The following POU6F2 variants were observed in gnomAD, a reference collection of about 807,000 sequenced individuals.
The protein encoded by POU6F2 is POU class 6 homeobox 2.
A neutral mutation model predicts 71.3 loss-of-function variants in POU6F2; 31 were observed. The observed-to-expected ratio is 0.43, with a 90% CI of 0.33 to 0.59. The LOEUF is 0.59. Ranked by LOEUF, POU6F2 falls within the 20% of genes least tolerant of loss-of-function variation. The pLI, the probability that POU6F2 is intolerant of heterozygous loss-of-function variation, is 0.04. For missense variants in POU6F2, 783 were observed against 856.8 expected (o/e 0.91, Z 1.07); for synonymous variants, 347 against 355.7 (o/e 0.98, Z 0.27).
At chr7:39,105,440 T>TA (rs1791658812) in intron 2 of POU6F2, among the ~76,000 whole-genome samples, 1 of 152,030 alleles carries the variant, frequency 6.6e-6, no homozygotes, top group Non-Finnish European at 1.5e-5. Context: ...TCAGGTTTTT[T>TA]TTTTTTCCTG....
At chr7:39,311,890 T>TAA (rs1395627709) in intron 4 of POU6F2, among the ~76,000 whole-genome samples, 1 of 152,084 alleles carries the variant, frequency 6.6e-6, no homozygotes, top group Non-Finnish European at 1.5e-5. Flanking sequence ...CTCAAAGAGG[T>TAA]AATGGCAACA....
chr7:39,132,644 A>G (rs1792311421), intron 2 of POU6F2: 1 of 152,246 alleles, frequency 6.6e-6, no homozygotes, highest in South Asian at 2.1e-4. Context: ...TCACATATTG[A>G]TAGAATTAAA....
chr7:39,014,355 T>G (rs905661951), intron 1 of POU6F2, among the ~76,000 whole-genome samples: 1 of 152,122 alleles, frequency 6.6e-6, no homozygotes, highest in Non-Finnish European at 1.5e-5. Context: ...GAAAAGCATG[T>G]TTTCAGGAGA....
chr7:39,309,622 A>G (rs1396014741), intron 4 of POU6F2, among the ~76,000 whole-genome samples: 1 of 152,252 alleles, frequency 6.6e-6, no homozygotes, highest in Non-Finnish European at 1.5e-5. Context: ...CTGAAGGGCT[A>G]GTATAATGTC....
chr7:39,173,324 A>C (rs533848254), intron 2 of POU6F2, among the ~76,000 whole-genome samples: 12 of 152,312 alleles, frequency 7.9e-5, no homozygotes, highest in African/African-American at 2.4e-4. Context: ...CTGGAGTTTC[A>C]ACTAGCTCTG....
chr7:39,442,922 CA>C (rs1251846905), intron 7 of POU6F2, among the ~76,000 whole-genome samples: 1 of 152,196 alleles, frequency 6.6e-6, no homozygotes, highest in Non-Finnish European at 1.5e-5. Context: ...CACAAAATTG[CA>C]GCTCTAGTTT....
intron 1 of POU6F2, among the ~76,000 whole-genome samples, chr7:39,054,560 T>C (rs1307669281): frequency 1.3e-5 from 2 of 152,094 alleles, no homozygotes; most frequent in Non-Finnish European, 2.9e-5. Context: ...TGTGAATGAA[T>C]ACAGGTAATG....
intron 2 of POU6F2, among the ~76,000 whole-genome samples, chr7:39,102,675 C>CAT: frequency 6.6e-6 from 1 of 152,198 alleles, no homozygotes; most frequent in Admixed American, 6.5e-5. Context: ...TATACACACA[C>CAT]ACATACATAC....
intron 2 of POU6F2, among the ~76,000 whole-genome samples, chr7:39,134,849 C>T (rs1393580888): frequency 6.6e-6 from 1 of 152,098 alleles, no homozygotes; most frequent in Non-Finnish European, 1.5e-5. Flanking sequence ...AAAAGCTTCG[C>T]AAGTGCATTA....
chr7:39,168,333 T>C (rs1434719425), intron 2 of POU6F2, among the ~76,000 whole-genome samples: 1 of 152,206 alleles, frequency 6.6e-6, no homozygotes, highest in African/African-American at 2.4e-5. Flanking sequence ...CAGGGAGTAT[T>C]ATCTGTTTTA....
intron 1 of POU6F2, among the ~76,000 whole-genome samples, chr7:39,005,556 G>A (rs542180881): frequency 1.9e-4 from 28 of 147,488 alleles, no homozygotes; most frequent in Admixed American, 6.9e-4. Context: ...GTGCAGGCAT[G>A]TGTGCACGTG....
At chr7:39,452,599 G>A (rs2116123340) in intron 8 of POU6F2, among the ~76,000 whole-genome samples, 1 of 152,346 alleles carries the variant, frequency 6.6e-6, no homozygotes, top group South Asian at 2.1e-4. Flanking sequence ...AGCAGGAACA[G>A]TAGGATCCTC....
At chr7:39,061,172 T>C (rs1450220678) in intron 1 of POU6F2, among the ~76,000 whole-genome samples, 1 of 104,810 alleles carries the variant, frequency 9.5e-6, no homozygotes, top group Admixed American at 9.0e-5. Context: ...ATTTGACATG[T>C]AAAATAGAAT....
chr7:39,128,521 A>G (rs1283217520), intron 2 of POU6F2, among the ~76,000 whole-genome samples: 2 of 152,220 alleles, frequency 1.3e-5, no homozygotes, highest in African/African-American at 2.4e-5. Context: ...TCTTAATTTT[A>G]TGATTATCTG....
chr7:39,427,484 C>T (rs936269065), intron 6 of POU6F2, among the ~76,000 whole-genome samples: 5 of 152,236 alleles, frequency 3.3e-5, no homozygotes, highest in South Asian at 2.1e-4. Flanking sequence ...TCAGTTTTCA[C>T]GCAAATTATT....
At position 39,058,227 on chromosome 7, in the gene POU6F2, C is replaced by T. The variant is rs79613354; in HGVS notation, c.106-27633C>T. Among the ~76,000 whole-genome samples the T allele has an allele frequency of 5.0e-3, 764 of 152,240 alleles. 8 individuals are homozygous for T. The highest frequency in any genetic ancestry group is 0.017 in the African/African-American group (722 of 41,546). On this transcript the variant is annotated intron_variant, in intron 1 of 9. Transcript: ENST00000518318. ...CAGTTCTGTCATTGACTCAGTCTCC[C>T]GGGGAACAATACACTAACATCCTGG...
chr7:39,273,622 C>A, intron 4 of POU6F2, among the ~76,000 whole-genome samples: 1 of 151,552 alleles, frequency 6.6e-6, no homozygotes, highest in East Asian at 1.9e-4. Context: ...TCTTGAAGCA[C>A]AAAGAGGATG....
intron 2 of POU6F2, among the ~76,000 whole-genome samples, chr7:39,090,493 A>G (rs768768982): frequency 2.0e-5 from 3 of 152,088 alleles, no homozygotes; most frequent in Non-Finnish European, 2.9e-5. Flanking sequence ...GGCCTTCATT[A>G]TGGGATCACT....
intron 6 of POU6F2, among the ~76,000 whole-genome samples, chr7:39,410,761 A>G (rs527468473): frequency 1.6e-4 from 24 of 152,016 alleles, no homozygotes; most frequent in African/African-American, 5.8e-4. Flanking sequence ...TTGCATAATT[A>G]TCATCATCAT....
Sources: allele counts gnomAD v4.1 joint callset (sites outside exome capture counted in the v4.1 genomes callset), GRCh38; gene constraint gnomAD v4.1.1; transcripts MANE v1.5; gene names NCBI Gene and HGNC (gene_info 2026-07-23, HGNC 2026-07-21).